The following IGSF10 variants were observed in gnomAD, a reference collection of about 807,000 sequenced individuals.
IGSF10 encodes immunoglobulin superfamily member 10.
Under a neutral mutation model 128.2 loss-of-function variants are expected in IGSF10, and 126 were observed. The observed-to-expected ratio is 0.98, with a 90% CI of 0.85 to 1.14. IGSF10 has a LOEUF of 1.14. Among genes scored for constraint, IGSF10 ranks in the 50% most tolerant of loss-of-function variants. The pLI, the probability that IGSF10 is intolerant of heterozygous loss-of-function variation, is 0.00. For missense variants in IGSF10, 3,295 were observed against 3,149.8 expected, an observed-to-expected ratio of 1.05 and a Z score of -1.10; for synonymous variants, 1,185 against 1,146.2, an observed-to-expected ratio of 1.03 and a Z score of -0.68.
At chr3:151,495,046 A>G in the IGSF10 span, among the ~76,000 whole-genome samples, 1 of 152,168 alleles carries the variant, frequency 6.6e-6, no homozygotes, top group East Asian at 1.9e-4. Context: ...CTGGTTGTAC[A>G]TACTACCATG....
the IGSF10 span, among the ~76,000 whole-genome samples, chr3:151,615,964 G>GTT: frequency 3.4e-3 from 453 of 132,336 alleles, 9 homozygotes; most frequent in African/African-American, 0.012. Flanking sequence ...GTTTTTTGAG[G>GTT]TTTTTTTTTT....
rs766796072 is a variant in IGSF10, at chr3:151,437,113, T to C, written c.7448A>G (p.Tyr2483Cys). 6 of 1,614,112 alleles carry C rather than the reference T, an allele frequency of 3.7e-6. No homozygotes were observed. Among genetic ancestry groups the C allele is most frequent in the East Asian group, 2.2e-5 (1 of 44,898 alleles). ...VVDRPQINGK[Y>C]ILHDNGTLVI... Reference sequence around the variant, plus strand: ...TAAGGTGCCATTGTCATGCAATATGTATTTCCCATTAATTTGAGGCCTGTC... The same window carrying C: ...TAAGGTGCCATTGTCATGCAATATGCATTTCCCATTAATTTGAGGCCTGTC... The change falls in exon 8 of 8, where the codon TAC becomes TGC. Residue 2483 changes from tyrosine to cysteine, a missense_variant. By Grantham distance (194) the Tyr-to-Cys change is radical (BLOSUM62 -2). Coordinates refer to ENST00000282466, the MANE Select transcript of IGSF10 (RefSeq NM_178822.5).
the IGSF10 span, among the ~76,000 whole-genome samples, chr3:151,618,591 G>T: frequency 2.1e-3 from 326 of 151,706 alleles, no homozygotes; most frequent in African/African-American, 7.2e-3. Flanking sequence ...TTAGCCGGGC[G>T]TGGTGGTGGG....
chr3:151,478,048 G>C, the IGSF10 span, among the ~76,000 whole-genome samples: 50 of 152,184 alleles, frequency 3.3e-4, no homozygotes, highest in Non-Finnish European at 6.2e-4. Flanking sequence ...AGGGTGTGCA[G>C]GGGATCAGGT....
chr3:151,483,526 T>C, the IGSF10 span, among the ~76,000 whole-genome samples: 1 of 152,128 alleles, frequency 6.6e-6, no homozygotes, highest in African/African-American at 2.4e-5. Flanking sequence ...GCTGGCAAGA[T>C]GGCCTAATAG....
At chr3:151,537,524 C>T in the IGSF10 span, among the ~76,000 whole-genome samples, 1 of 152,118 alleles carries the variant, frequency 6.6e-6, no homozygotes, top group Non-Finnish European at 1.5e-5. Context: ...CATTTTTCCC[C>T]ATCATGTACA....
rs1356960877 is a variant in IGSF10, at chr3:151,445,993, T to G, written c.3988A>C (p.Ile1330Leu). 2 of 1,614,224 alleles carry G rather than the reference T, an allele frequency of 1.2e-6. No individual in the cohort carries two copies. The highest frequency in any genetic ancestry group is 1.7e-6 in the Non-Finnish European group (2 of 1,180,042). ...ATTPTFPASVITYETQTERSR... is the reference protein window; with the variant it reads ...ATTPTFPASVLTYETQTERSR... The stretch of plus-strand genomic sequence containing the variant: ...CTCTCTGTTTGGGTTTCATAAGTGA[T>G]GACAGATGCAGGGAAGGTAGGAGTT... Residue 1330 changes from isoleucine to leucine, a missense_variant, in exon 6 of 8, where the codon ATC becomes CTC. Physicochemically the swap from Ile to Leu is conservative, Grantham distance 5 (BLOSUM62 2). Transcript: ENST00000282466.
At chr3:151,545,662 C>T in the IGSF10 span, among the ~76,000 whole-genome samples, 1 of 152,186 alleles carries the variant, frequency 6.6e-6, no homozygotes, top group Non-Finnish European at 1.5e-5. Flanking sequence ...CAAGAACCGG[C>T]CTTCCATCTG....
the IGSF10 span, among the ~76,000 whole-genome samples, chr3:151,547,020 C>CCCA: frequency 3.9e-5 from 6 of 152,026 alleles, no homozygotes; most frequent in African/African-American, 1.2e-4. Flanking sequence ...ATCCACCCCC[C>CCCA]CCTTGGCCTC....
chr3:151,573,533 A>C, the IGSF10 span, among the ~76,000 whole-genome samples: 1 of 152,268 alleles, frequency 6.6e-6, no homozygotes, highest in South Asian at 2.1e-4. Context: ...GTGTTTTATC[A>C]GAGACTAGGA....
chr3:151,594,262 T>C, the IGSF10 span, among the ~76,000 whole-genome samples: 6 of 151,636 alleles, frequency 4.0e-5, no homozygotes, highest in East Asian at 1.9e-4. Context: ...GTGAATGTAA[T>C]AGCAGCAGAG....
chr3:151,483,179 A>C, the IGSF10 span, among the ~76,000 whole-genome samples: 1 of 152,220 alleles, frequency 6.6e-6, no homozygotes, highest in Non-Finnish European at 1.5e-5. Flanking sequence ...TGGCGTGTAA[A>C]CCACATATAT....
Position 151,448,269 on chromosome 3 carries a change from GGT to G in IGSF10, c.1710_1711del (p.Glu570AspfsTer19). 1 of 1,614,198 alleles carries G rather than the reference GGT, an allele frequency of 6.2e-7. No individual in the cohort carries two copies. The highest frequency in any genetic ancestry group is 8.5e-7 in the Non-Finnish European group (1 of 1,180,032). The stretch of plus-strand genomic sequence containing the variant: ...ATTTTCCTGATAGGCTTCGACCAAA[GGT>G]TCTACCACAGTTATCCTATAGGTGA... On this transcript the variant is annotated frameshift_variant, in exon 6 of 8. Coordinates refer to ENST00000282466, the MANE Select transcript of IGSF10 (RefSeq NM_178822.5). LOFTEE classifies it high-confidence loss of function.
At chr3:151,569,567 G>C in the IGSF10 span, among the ~76,000 whole-genome samples, 1 of 152,034 alleles carries the variant, frequency 6.6e-6, no homozygotes, top group Admixed American at 6.6e-5. Context: ...GCAATGCCTT[G>C]GCTTTCAGGG....
At chr3:151,600,781 A>G in the IGSF10 span, among the ~76,000 whole-genome samples, 1 of 152,122 alleles carries the variant, frequency 6.6e-6, no homozygotes, top group Non-Finnish European at 1.5e-5. Context: ...TCAACTTTCA[A>G]ATCTTTGCAA....
the IGSF10 span, among the ~76,000 whole-genome samples, chr3:151,566,339 G>C: frequency 6.6e-6 from 1 of 152,132 alleles, no homozygotes; most frequent in Non-Finnish European, 1.5e-5. Flanking sequence ...AGAACTGAGG[G>C]ATGATTAAAG....
At position 151,443,731 on chromosome 3, in the gene IGSF10, G is replaced by A. The variant is rs1354871359; in HGVS notation, c.5216C>T (p.Ser1739Phe). Reference sequence around the variant, plus strand: ...GATCCTGGGAGGATAGGAAACCACAGACAAGGTGACATGAAGGTGGTCTGT... The same window carrying A: ...GATCCTGGGAGGATAGGAAACCACAAACAAGGTGACATGAAGGTGGTCTGT... The part of the protein sequence containing the change: ...FGTDHLHVTL[S>F]VVSYPPRILE... Residue 1739 changes from serine (S) to phenylalanine (F), a missense_variant, in exon 7 of 8, where the codon TCT (serine) becomes TTT (phenylalanine). Physicochemically the swap from Ser to Phe is radical, Grantham distance 155. Coordinates refer to ENST00000282466, the MANE Select transcript of IGSF10 (RefSeq NM_178822.5). 6.2e-7 allele frequency: 1 copy of A among 1,614,164 alleles called. No individual in the cohort carries two copies. Among genetic ancestry groups the A allele is most frequent in the African/African-American group, 1.3e-5 (1 of 75,030 alleles).
At chr3:151,618,574 C>CA in the IGSF10 span, among the ~76,000 whole-genome samples, 1 of 151,074 alleles carries the variant, frequency 6.6e-6, no homozygotes, top group Non-Finnish European at 1.5e-5. Flanking sequence ...ACTAAAAATA[C>CA]AAAAAATTAG....
the IGSF10 span, among the ~76,000 whole-genome samples, chr3:151,491,601 A>C: frequency 1.3e-5 from 2 of 152,250 alleles, no homozygotes; most frequent in South Asian, 4.2e-4. Flanking sequence ...ACAAACAATA[A>C]ATACATAAAT....
Sources: gnomAD v4.1 joint callset for allele counts (sites outside exome capture counted in the v4.1 genomes callset) on GRCh38, gnomAD v4.1.1 for gene constraint, MANE v1.5 for transcripts, NCBI Gene and HGNC (gene_info 2026-07-23, HGNC 2026-07-21) for gene names.